DNAH12: variants seen among roughly 807,000 people sequenced by gnomAD.
DNAH12 encodes the protein dynein axonemal heavy chain 12.
DNAH12 carries 285 observed loss-of-function variants against 371.5 expected under a neutral mutation model. The ratio of observed to expected loss-of-function variants is 0.77; its 90% confidence interval spans 0.70 to 0.85. The LOEUF is 0.85. DNAH12 is among the 40% of genes least tolerant of loss of function. The probability of loss-of-function intolerance (pLI) is 0.00; values close to 1 mark genes in which losing one functional copy is unlikely to be tolerated. For synonymous variants in DNAH12, 1,200 were observed against 1,213.0 expected (o/e 0.99, Z 0.22); for missense variants, 3,611 against 3,689.4 (o/e 0.98, Z 0.55).
rs529766078 is a variant in DNAH12, at chr3:57,428,484, C to T, written c.5253+149G>A. On this transcript the variant is annotated intron_variant, in intron 34 of 73. Coordinates refer to ENST00000495027, the MANE Select transcript of DNAH12 (RefSeq NM_001366028.2). The stretch of plus-strand genomic sequence containing the variant: ...CAACCCCTGAGTTATGCAGCTATAA[C>T]TTAAGCAATATAAAACCAACGGTGG... The T allele has an allele frequency of 1.4e-3, 2,206 of 1,533,762 alleles. 4 individuals are homozygous for T. Among genetic ancestry groups the T allele is most frequent in the Non-Finnish European group, 1.7e-3 (1,906 of 1,141,850 alleles).
chr3:57,457,427 T>A (rs954996938), intron 22 of DNAH12, among the ~76,000 whole-genome samples: 3 of 152,216 alleles, frequency 2.0e-5, no homozygotes, highest in South Asian at 2.1e-4. Flanking sequence ...CTGTCCTTTG[T>A]GTCTCAGTTT....
At chr3:57,351,642 G>A (rs782061191) in intron 60 of DNAH12, among the ~76,000 whole-genome samples, 5 of 152,150 alleles carry the variant, frequency 3.3e-5, no homozygotes, top group African/African-American at 4.8e-5. Context: ...TTGAGGAAAA[G>A]AAGCCAGATA....
intron 8 of DNAH12, among the ~76,000 whole-genome samples, chr3:57,506,789 G>C (rs913411000): frequency 1.4e-4 from 22 of 152,088 alleles, no homozygotes; most frequent in Middle Eastern, 6.8e-3. Flanking sequence ...GCACACTACT[G>C]GGTGAAGGTA....
At chr3:57,373,615 T>C (rs981480758) in intron 55 of DNAH12, among the ~76,000 whole-genome samples, 1 of 151,944 alleles carries the variant, frequency 6.6e-6, no homozygotes, top group Non-Finnish European at 1.5e-5. Flanking sequence ...TGAGCCACCG[T>C]GCCCAGCCCA....
chr3:57,511,840 C>T (rs1003943679), intron 4 of DNAH12, among the ~76,000 whole-genome samples: 5 of 152,032 alleles, frequency 3.3e-5, no homozygotes, highest in African/African-American at 1.2e-4. Context: ...GTTTTAATAA[C>T]TATTTCTGGA....
At chr3:57,393,551 G>A (rs1360950530) in intron 44 of DNAH12, among the ~76,000 whole-genome samples, 13 of 148,702 alleles carry the variant, frequency 8.7e-5, no homozygotes, top group East Asian at 4.0e-4. Context: ...GCGTGAACCC[G>A]GGAGGCGGAG....
At chr3:57,501,292 G>C (rs765560326) in intron 11 of DNAH12, 29 bp downstream of exon 11, 20 of 1,539,510 alleles carry the variant, frequency 1.3e-5, no homozygotes, top group Admixed American at 1.9e-5. Flanking sequence ...AATTCAAAAC[G>C]CATTAATAAA....
At chr3:57,402,700 G>C (rs935833055) in intron 43 of DNAH12, among the ~76,000 whole-genome samples, 4 of 152,164 alleles carry the variant, frequency 2.6e-5, no homozygotes, top group Non-Finnish European at 5.9e-5. Context: ...GCAGACAGAG[G>C]AGGATAAAGA....
At chr3:57,452,367 C>T (rs1161848815) in intron 25 of DNAH12, among the ~76,000 whole-genome samples, 3 of 152,066 alleles carry the variant, frequency 2.0e-5, no homozygotes, top group Non-Finnish European at 4.4e-5. Flanking sequence ...AACCACATTC[C>T]CAGGGTTTTT....
In DNAH12 at chr3:57,445,283, T is replaced by A. The variant is rs1275486056; in HGVS notation, c.4316A>T (p.Gln1439Leu). 2.6e-6 allele frequency: 4 copies of A among 1,551,654 alleles called. No homozygotes were observed. Among genetic ancestry groups the A allele is most frequent in the Non-Finnish European group, 3.5e-6 (4 of 1,146,964 alleles). The change falls in exon 28 of 74, where the codon CAG becomes CTG. Residue 1439 changes from glutamine to leucine, a missense_variant. This residue lies in a region of DNAH12 where 2,266 missense variants were observed against 2,236.9 expected (regional missense o/e 1.01). Transcript: ENST00000495027. ...GTCGTAATGAAATTGCGATGAGAGCTGCTCTGAGCAAAGCCTATAGGTCAT... is the reference window on the plus strand; with the variant it reads ...GTCGTAATGAAATTGCGATGAGAGCAGCTCTGAGCAAAGCCTATAGGTCAT... ...IVMTYRLCSEQLSSQFHYDYG... is the reference protein window; with the variant it reads ...IVMTYRLCSELLSSQFHYDYG...
intron 57 of DNAH12, among the ~76,000 whole-genome samples, chr3:57,364,281 T>C (rs2062999949): frequency 6.6e-6 from 1 of 152,136 alleles, no homozygotes; most frequent in South Asian, 2.1e-4. Flanking sequence ...TACCATGGAA[T>C]AGAATAAGTT....
At chr3:57,516,834 T>A (rs1242497283) in intron 4 of DNAH12, among the ~76,000 whole-genome samples, 3 of 151,998 alleles carry the variant, frequency 2.0e-5, no homozygotes, top group Non-Finnish European at 4.4e-5. Flanking sequence ...AGTTATGTTA[T>A]CCCCATGGGT....
intron 11 of DNAH12, among the ~76,000 whole-genome samples, chr3:57,492,627 T>A (rs1011409942): frequency 1.3e-5 from 2 of 152,152 alleles, no homozygotes; most frequent in Non-Finnish European, 2.9e-5. Flanking sequence ...AGTAAATTTT[T>A]AAATAGTTAT....
intron 44 of DNAH12, among the ~76,000 whole-genome samples, chr3:57,393,861 C>G (rs2063683906): frequency 6.6e-6 from 1 of 151,914 alleles, no homozygotes; most frequent in Non-Finnish European, 1.5e-5. Flanking sequence ...ATCATGTTTT[C>G]TTACATCAAT....
At chr3:57,371,498 A>G (rs2063168218) in intron 55 of DNAH12, among the ~76,000 whole-genome samples, 1 of 152,082 alleles carries the variant, frequency 6.6e-6, no homozygotes, top group Non-Finnish European at 1.5e-5. Flanking sequence ...TGGTACATGA[A>G]TTATATATCA....
At chr3:57,438,674 C>T (rs1306972879) in intron 29 of DNAH12, among the ~76,000 whole-genome samples, 4 of 151,988 alleles carry the variant, frequency 2.6e-5, no homozygotes, top group African/African-American at 4.8e-5. Context: ...GCAATCCGGC[C>T]GGGCGCGGTG....
the DNAH12 span, among the ~76,000 whole-genome samples, chr3:57,555,623 A>G: frequency 2.6e-5 from 4 of 152,214 alleles, no homozygotes; most frequent in African/African-American, 4.8e-5. Flanking sequence ...TGAGCAGGTA[A>G]TATCTCGGGA....
At chr3:57,424,878 G>T in intron 35 of DNAH12, 144 bp downstream of exon 35, 1 of 508,812 alleles carries the variant, frequency 2.0e-6, no homozygotes, top group Non-Finnish European at 3.5e-6. Flanking sequence ...CCAGGTGTTA[G>T]GGCAACTTTA....
rs1321277307 is a variant in DNAH12 at position 57,322,389 on chromosome 3, G to A, written c.10478C>T (p.Pro3493Leu). 1 of 1,551,910 alleles carries A rather than the reference G, an allele frequency of 6.4e-7. No individual in the cohort carries two copies. Among genetic ancestry groups the A allele is most frequent in the Non-Finnish European group, 8.7e-7 (1 of 1,147,020 alleles). ...CTTGAAAAACTCAGGATCAGAAACT[G>A]GATCAGTGAGATATGATTGAAGGAG... ...LNLLQSYLTD[P>L]VSDPEFFKGC... is the part of the protein sequence containing the mutation. The change falls in exon 65 of 74, where the codon CCA becomes CTA. Residue 3493 changes from proline to leucine, a missense_variant. Transcript: ENST00000495027.
Sources: gnomAD v4.1 joint callset for allele counts (sites outside exome capture counted in the v4.1 genomes callset) on GRCh38, gnomAD v4.1.1 for gene constraint, gnomAD v4.1.1 regional missense constraint, MANE v1.5 for transcripts, NCBI Gene and HGNC (gene_info 2026-07-23, HGNC 2026-07-21) for gene names.